Variants in CLOCK observed in about 807,000 individuals in gnomAD.
CLOCK encodes the protein circadian locomoter output cycles protein kaput.
In CLOCK, 43 loss-of-function variants were observed where a neutral mutation model predicts 118.4. The observed-to-expected ratio is 0.36, with a 90% CI of 0.28 to 0.47. The LOEUF (loss-of-function observed/expected upper bound fraction) is 0.47. Ranked by LOEUF, CLOCK falls within the 20% of genes least tolerant of loss-of-function variation. The pLI is 1.00. For missense variants in CLOCK, 846 were observed against 999.9 expected, an observed-to-expected ratio of 0.85 and a Z score of 2.08; for synonymous variants, 326 against 339.2, an observed-to-expected ratio of 0.96 and a Z score of 0.43.
intron 11 of CLOCK, among the ~76,000 whole-genome samples, chr4:55,457,028 TAATA>T (rs1247221323): frequency 6.6e-6 from 1 of 152,168 alleles, no homozygotes; most frequent in African/African-American, 2.4e-5. Flanking sequence ...AAGAATGTGG[TAATA>T]AATAACCTTT....
chr4:55,524,418 CA>C (rs910150483), intron 1 of CLOCK, among the ~76,000 whole-genome samples: 6 of 146,682 alleles, frequency 4.1e-5, no homozygotes, highest in African/African-American at 1.5e-4. Flanking sequence ...AAAACAAAAA[CA>C]AAAAAAAAGA....
At chr4:55,489,213 T>C (rs966859994) in intron 3 of CLOCK, among the ~76,000 whole-genome samples, 161 bp downstream of exon 3, 1 of 152,222 alleles carries the variant, frequency 6.6e-6, no homozygotes, top group African/African-American at 2.4e-5. Context: ...AAAGTAATTA[T>C]CGGAACATAG....
intron 21 of CLOCK, among the ~76,000 whole-genome samples, chr4:55,440,240 G>A (rs192594898): frequency 6.6e-6 from 1 of 152,232 alleles, no homozygotes; most frequent in African/African-American, 2.4e-5. Flanking sequence ...CATTCTAACA[G>A]TGAATAAAAA....
intron 22 of CLOCK, among the ~76,000 whole-genome samples, chr4:55,436,304 C>T (rs1051229023): frequency 1.3e-5 from 2 of 152,150 alleles, no homozygotes; most frequent in African/African-American, 2.4e-5. Flanking sequence ...AAAAAAGGCA[C>T]AGGATTTGCA....
At chr4:55,501,115 A>G (rs1728405865) in intron 2 of CLOCK, among the ~76,000 whole-genome samples, 1 of 152,146 alleles carries the variant, frequency 6.6e-6, no homozygotes, top group Non-Finnish European at 1.5e-5. Flanking sequence ...CAGCCTGCCA[A>G]AGTGTTTGGA....
chr4:55,435,395 C>A lies in CLOCK; in HGVS notation c.*20G>T, dbSNP rs376625049. 44 of 1,613,582 alleles carry A rather than the reference C, an allele frequency of 2.7e-5. 1 individual carries two copies. The highest frequency in any genetic ancestry group is 2.5e-5 in the Non-Finnish European group (30 of 1,179,784). On this transcript the variant is annotated 3_prime_UTR_variant, in exon 23 of 23. Coordinates refer to ENST00000513440, the MANE Select transcript of CLOCK (RefSeq NM_004898.4). ...GGCCATCCCCTTCCTCCCTTGATGT[C>A]AAGAGAGGAAGCACGTGTGCTACTG...
chr4:55,463,527 C>T (rs770625150), intron 9 of CLOCK, among the ~76,000 whole-genome samples, 158 bp downstream of exon 9: 1 of 151,976 alleles, frequency 6.6e-6, no homozygotes, highest in Non-Finnish European at 1.5e-5. Context: ...AATATGGTCA[C>T]AATTTCATTT....
chr4:55,478,180 A>G (rs55896308), intron 6 of CLOCK, among the ~76,000 whole-genome samples: 5,048 of 152,122 alleles, frequency 0.033, 115 homozygotes, highest in Middle Eastern at 0.071. Flanking sequence ...CAAAATACTT[A>G]ATATTCTTTA....
intron 7 of CLOCK, among the ~76,000 whole-genome samples, chr4:55,473,334 G>A (rs1726275931): frequency 6.6e-6 from 1 of 152,094 alleles, no homozygotes. Flanking sequence ...AGATACTAGT[G>A]TTTACTTCAT....
intron 11 of CLOCK, among the ~76,000 whole-genome samples, chr4:55,457,194 T>C (rs962995505): frequency 6.6e-6 from 1 of 151,644 alleles, no homozygotes; most frequent in Admixed American, 6.6e-5. Context: ...AAATTCAATA[T>C]GTCCTAAAAT....
At chr4:55,484,723 C>T (rs373130074) in intron 3 of CLOCK, among the ~76,000 whole-genome samples, 1 of 152,142 alleles carries the variant, frequency 6.6e-6, no homozygotes, top group East Asian at 1.9e-4. Context: ...GCTTAATTAT[C>T]AAAAGGTAGA....
chr4:55,459,531 C>G (rs1725173387), intron 9 of CLOCK, among the ~76,000 whole-genome samples: 1 of 152,194 alleles, frequency 6.6e-6, no homozygotes, highest in South Asian at 2.1e-4. Flanking sequence ...TACTCACTTT[C>G]AAAGGAAAGT....
intron 13 of CLOCK, 76 bp from the exon 14 acceptor site, chr4:55,453,900 T>C: frequency 8.8e-7 from 1 of 1,136,982 alleles, no homozygotes; most frequent in Non-Finnish European, 1.3e-6. Context: ...AAAGCTATCA[T>C]TTACATTTAA....
At chr4:55,482,318 G>A (rs1270820802) in intron 4 of CLOCK, among the ~76,000 whole-genome samples, 1 of 152,178 alleles carries the variant, frequency 6.6e-6, no homozygotes, top group Non-Finnish European at 1.5e-5. Context: ...CCAAGAGTAT[G>A]ATGTAAAGAT....
rs1374315663 is a variant in CLOCK, at chr4:55,471,242, G to GAT, written c.349-438_349-437dup. 5.9e-5 allele frequency among the ~76,000 whole-genome samples: 9 copies of GAT among 152,310 alleles called. No homozygotes were observed. In the East Asian group the frequency reaches 1.7e-3, roughly 29 times the overall value. On this transcript the variant is annotated intron_variant, in intron 7 of 22. Coordinates refer to ENST00000513440, the MANE Select transcript of CLOCK (RefSeq NM_004898.4). Reference sequence around the variant, plus strand: ...GAGGTGTACATCTGAAGTTTAAGGAGATATATGAAGAATAAAATAAAAGGG... The same window carrying GAT: ...GAGGTGTACATCTGAAGTTTAAGGAGATATATATGAAGAATAAAATAAAAGGG...
chr4:55,435,630 T>C, intron 22 of CLOCK, 36 bp from the exon 23 acceptor site: 8 of 1,606,114 alleles, frequency 5.0e-6, no homozygotes, highest in South Asian at 1.1e-5. Context: ...ATTGCTTTAC[T>C]CCCTTTATGG....
intron 6 of CLOCK, 36 bp downstream of exon 6, chr4:55,478,779 G>C (rs1332381858): frequency 8.8e-6 from 14 of 1,597,550 alleles, no homozygotes; most frequent in East Asian, 2.2e-5. Context: ...CTAATGCTTT[G>C]AGAGTCTGTT....
chr4:55,510,775 G>C (rs1329990729), intron 1 of CLOCK, among the ~76,000 whole-genome samples: 1 of 152,104 alleles, frequency 6.6e-6, no homozygotes, highest in Non-Finnish European at 1.5e-5. Flanking sequence ...CAAATGGCTA[G>C]GTGTAGGTGA....
intron 7 of CLOCK, among the ~76,000 whole-genome samples, chr4:55,474,271 C>A (rs538064431): frequency 6.6e-6 from 1 of 152,174 alleles, no homozygotes; most frequent in Non-Finnish European, 1.5e-5. Context: ...AAGCCAAAGC[C>A]TAATCCAGAG....
Sources: gnomAD v4.1 joint callset for allele counts (sites outside exome capture counted in the v4.1 genomes callset) on GRCh38, gnomAD v4.1.1 for gene constraint, MANE v1.5 for transcripts, NCBI Gene and HGNC (gene_info 2026-07-23, HGNC 2026-07-21) for gene names.